Variants in VSIG2 observed in about 807,000 individuals in gnomAD.
VSIG2 encodes V-set and immunoglobulin domain-containing protein 2.
In VSIG2, 30 loss-of-function variants were observed where a neutral mutation model predicts 29.4. The observed-to-expected ratio is 1.02, with a 90% confidence interval of 0.76 to 1.38. VSIG2 has a LOEUF of 1.38. VSIG2 is among the 40% of genes most tolerant of loss of function. VSIG2 has a pLI of 0.00. For missense variants in VSIG2, 421 were observed against 400.8 expected (o/e 1.05, Z -0.43); for synonymous variants, 178 against 174.2 (o/e 1.02, Z -0.17).
At chr11:124,748,296 C>T (rs1200670265) in intron 6 of VSIG2, 94 bp downstream of exon 6, 1 of 1,370,728 alleles carries the variant, frequency 7.3e-7, no homozygotes, top group Non-Finnish European at 1.0e-6. Context: ...CCTAAACACA[C>T]TGAATGATGT....
rs757986971 is a variant in VSIG2, at chr11:124,747,532, A to G, written c.*3T>C. 11 of 1,606,094 alleles carry G rather than the reference A, an allele frequency of 6.8e-6. No homozygotes were observed. Reference sequence around the variant, plus strand: ...CCTCACCGCCCTCAGGGATCGGGAGAAGTCACACGACCATAGGGAGCTTGG... The same window carrying G: ...CCTCACCGCCCTCAGGGATCGGGAGGAGTCACACGACCATAGGGAGCTTGG... On this transcript the variant is annotated 3_prime_UTR_variant, in exon 7 of 7. Coordinates refer to ENST00000326621, the MANE Select transcript of VSIG2 (RefSeq NM_014312.5).
In VSIG2 at chr11:124,748,635, C is replaced by T; in HGVS notation, c.706+9G>A. 6.2e-7 allele frequency: 1 copy of T among 1,610,736 alleles called. No individual in the cohort carries two copies. Among genetic ancestry groups the T allele is most frequent in the Non-Finnish European group, 8.5e-7 (1 of 1,177,904 alleles). ...GGCTGCTGGCCTGGCCTCCACCCAG[C>T]ATCCCTACCGGTCACAGAGAGGGTC... On this transcript the variant is annotated intron_variant, in intron 5 of 6. Transcript: ENST00000326621.
At chr11:124,750,573 A>G (rs546000059) in intron 3 of VSIG2, 141 bp downstream of exon 3, 28 of 750,576 alleles carry the variant, frequency 3.7e-5, no homozygotes, top group East Asian at 3.6e-4. Flanking sequence ...AAGACTTGGA[A>G]AGGGAGTATT....
chr11:124,748,289 AAACACACTG>A, intron 6 of VSIG2, 92 bp downstream of exon 6: 1 of 1,325,440 alleles, frequency 7.5e-7, no homozygotes, highest in Admixed American at 2.1e-5. Context: ...TCCTGCCCCT[AAACACACTG>A]AATGATGTCG....
intron 4 of VSIG2, 60 bp from the exon 5 acceptor site, chr11:124,748,823 G>A: frequency 6.2e-7 from 1 of 1,612,710 alleles, no homozygotes; most frequent in Non-Finnish European, 8.5e-7. Flanking sequence ...GCTCTACGAG[G>A]ACAGCACATT....
intron 2 of VSIG2, 64 bp downstream of exon 2, chr11:124,751,359 G>A: frequency 6.3e-7 from 1 of 1,593,816 alleles, no homozygotes; most frequent in Non-Finnish European, 8.5e-7. Context: ...CCGACCCCAT[G>A]CCCTCATCCT....
chr11:124,748,156 C>G, intron 6 of VSIG2: 2 of 532,840 alleles, frequency 3.8e-6, no homozygotes, highest in Non-Finnish European at 6.6e-6. Context: ...GCAGGGCAGT[C>G]CTGCAAACAG....
intron 6 of VSIG2, 157 bp downstream of exon 6, chr11:124,748,233 C>T: frequency 1.2e-6 from 1 of 818,822 alleles, no homozygotes; most frequent in Non-Finnish European, 1.9e-6. Flanking sequence ...CTCAAATACA[C>T]AGGTTACACT....
At chr11:124,748,808 G>A in intron 4 of VSIG2, 45 bp from the exon 5 acceptor site, 1 of 1,613,842 alleles carries the variant, frequency 6.2e-7, no homozygotes, top group Non-Finnish European at 8.5e-7. Context: ...TCAACTCAGT[G>A]AGCAGCTCTA....
Position 124,752,222 on chromosome 11 carries a change from A to C in VSIG2, c.-85T>G. The C allele has an allele frequency of 7.1e-7, 1 of 1,400,742 alleles. No individual in the cohort carries two copies. The highest frequency in any genetic ancestry group is 9.5e-7 in the Non-Finnish European group (1 of 1,056,870). The allele number at this position is 1,400,742 out of a possible 1,614,324, so 86.8% of individuals were successfully genotyped here. A position where few individuals can be genotyped will look rare whatever the true frequency, so the allele number is the denominator to read the frequency against. On this transcript the variant is annotated 5_prime_UTR_variant, in exon 1 of 7. Transcript: ENST00000326621. ...TGTCGGGCAGGGAAGGGAGCACCCA[A>C]GGGCAGCCGCCCGGGCTGGGCAGGA...
At chr11:124,747,766 A>G in intron 6 of VSIG2, 99 bp from the exon 7 acceptor site, 7 of 1,320,230 alleles carry the variant, frequency 5.3e-6, no homozygotes, top group Non-Finnish European at 7.3e-6. Flanking sequence ...TGTGCTTGAG[A>G]ATAATCTGCG....
rs140856213 is a variant in VSIG2 at position 124,748,512 on chromosome 11, G to A, written c.729C>T (p.Ala243=). The A allele has an allele frequency of 2.5e-5, 41 of 1,614,058 alleles. No homozygotes were observed. The highest frequency in any genetic ancestry group is 1.6e-4 in the African/African-American group (12 of 75,006). The part of the protein sequence containing the change: ...SVTEPSQGRV[A]GALIGVLLGV... ...CCAGGAGCACCCCAATCAGAGCTCC[G>A]GCCACTCGGCCTTGGGAGGGTTCTA... is the stretch of plus-strand genomic sequence containing the variant. The change falls in exon 6 of 7, where the codon GCC becomes GCT. Residue 243 remains alanine, a synonymous_variant. Coordinates refer to ENST00000326621, the MANE Select transcript of VSIG2 (RefSeq NM_014312.5).
At position 124,752,196 on chromosome 11, in the gene VSIG2, G is replaced by C; in HGVS notation, c.-59C>G. The C allele has an allele frequency of 3.4e-6, 5 of 1,490,792 alleles. No individual in the cohort carries two copies. Among genetic ancestry groups the C allele is most frequent in the Non-Finnish European group, 3.6e-6 (4 of 1,124,038 alleles). 92.3% of individuals were successfully genotyped at this position (1,490,792 alleles called of 1,614,324 possible). A position where few individuals can be genotyped will look rare whatever the true frequency, so the allele number is the denominator to read the frequency against. On this transcript the variant is annotated 5_prime_UTR_variant, in exon 1 of 7. Transcript: ENST00000326621. Reference sequence around the variant, plus strand: ...AGGTGGGCGGTCAAGGTCGGTCTGGGTGTCGGGCAGGGAAGGGAGCACCCA... The same window carrying C: ...AGGTGGGCGGTCAAGGTCGGTCTGGCTGTCGGGCAGGGAAGGGAGCACCCA...
Position 124,747,591 on chromosome 11 carries a change from G to T in VSIG2, c.928C>A (p.Pro310Thr). 11 of 1,613,886 alleles carry T rather than the reference G, an allele frequency of 6.8e-6. No homozygotes were observed. The highest frequency in any genetic ancestry group is 1.1e-5 in the South Asian group (1 of 91,058). Residue 310 changes from proline to threonine, a missense_variant, in exon 7 of 7, where the codon CCC (proline) becomes ACC (threonine). Pro to Thr is a conservative substitution (Grantham distance 38). Transcript: ENST00000326621. ...ADSSKGFLER[P>T]SSASTVTTTK... is the part of the protein sequence containing the mutation. ...GTCGTCACGGTGCTGGCAGACGAGG[G>T]TCTTTCCAGGAACCCCTTGCTAGAA...
At position 124,748,787 on chromosome 11, in the gene VSIG2, C is replaced by T. The variant is rs376025829; in HGVS notation, c.587-24G>A. The T allele has an allele frequency of 2.5e-6, 4 of 1,613,928 alleles. No individual in the cohort carries two copies. In the Admixed American group the frequency reaches 5.0e-5, roughly 20 times the overall value. ...ATCTAGAGGATGAAGAGGAAGTGTT[C>T]CACGACTCATTCAACTCAGTGAGCA... On this transcript the variant is annotated intron_variant, in intron 4 of 6. Coordinates refer to ENST00000326621, the MANE Select transcript of VSIG2 (RefSeq NM_014312.5).
At chr11:124,748,201 C>T in intron 6 of VSIG2, 189 bp downstream of exon 6, 5 of 651,844 alleles carry the variant, frequency 7.7e-6, no homozygotes, top group Non-Finnish European at 1.3e-5. Context: ...AGCCACTCCA[C>T]CCTGTACCGC....
chr11:124,750,835 C>T lies in VSIG2; in HGVS notation c.306G>A (p.Gly102=). ...VSLLQNPPTV[G]VATLKLTDVH... ...CGTCAGTCAGTTTCAGTGTGGCCAC[C>T]CCCACTGTGGGGGGGTTCTGAAGCA... The change falls in exon 3 of 7, where the codon GGG becomes GGA. Residue 102 remains glycine, a synonymous_variant. Coordinates refer to ENST00000326621, the MANE Select transcript of VSIG2 (RefSeq NM_014312.5). 3 of 1,613,998 alleles carry T rather than the reference C, an allele frequency of 1.9e-6. No individual in the cohort carries two copies. Among genetic ancestry groups the T allele is most frequent in the Non-Finnish European group, 2.5e-6 (3 of 1,179,972 alleles).
chr11:124,751,014 T>C, intron 2 of VSIG2, 93 bp from the exon 3 acceptor site: 2 of 1,341,194 alleles, frequency 1.5e-6, no homozygotes, highest in Non-Finnish European at 2.1e-6. Flanking sequence ...AAGAGGCCTC[T>C]GACTTACATC....
In VSIG2 at chr11:124,751,472, A is replaced by G. The variant is rs779746956; in HGVS notation, c.170T>C (p.Leu57Pro). 1 of 1,613,034 alleles carries G rather than the reference A, an allele frequency of 6.2e-7. No individual in the cohort carries two copies. The highest frequency in any genetic ancestry group is 2.2e-5 in the East Asian group (1 of 44,846). Residue 57 changes from leucine (L) to proline (P), a missense_variant, in exon 2 of 7, where the codon CTG becomes CCG. Transcript: ENST00000326621. ...YSTSVGDSFALEWSFVQPGKP... is the reference protein window; with the variant it reads ...YSTSVGDSFAPEWSFVQPGKP... ...CCCAGGCTGCACAAAGCTCCACTCC[A>G]GGGCGAAGCTGTCTCCCACCGACGT... is the stretch of plus-strand genomic sequence containing the variant.
Sources: gnomAD v4.1 joint callset for allele counts on GRCh38, gnomAD v4.1.1 for gene constraint, MANE v1.5 for transcripts, NCBI Gene and HGNC (gene_info 2026-07-23, HGNC 2026-07-21) for gene names.